Variants in NBAS observed in about 807,000 individuals in gnomAD.
The protein encoded by NBAS is NAG/BC035112 fusion.
NBAS carries 219 observed loss-of-function variants against 302.5 expected under a neutral mutation model. The observed-to-expected ratio is 0.72, with a 90% CI of 0.65 to 0.81. The LOEUF (loss-of-function observed/expected upper bound fraction) is 0.81, where lower values mean the gene tolerates loss of function less well. Ranked by LOEUF, NBAS falls within the 30% of genes least tolerant of loss-of-function variation. The pLI is 0.00. For missense variants in NBAS, 2,932 were observed against 2,841.6 expected (o/e 1.03, Z -0.72); for synonymous variants, 1,118 against 1,021.6 (o/e 1.09, Z -1.80).
intron 10 of NBAS, among the ~76,000 whole-genome samples, 181 bp downstream of exon 10, chr2:15,511,031 C>A (rs1021966076): frequency 6.6e-6 from 1 of 152,138 alleles, no homozygotes; most frequent in Admixed American, 6.5e-5. Flanking sequence ...AAGTTAAATA[C>A]AATATGCCTC....
chr2:15,076,392 G>GT, the NBAS span, among the ~76,000 whole-genome samples: 1 of 152,182 alleles, frequency 6.6e-6, no homozygotes, highest in African/African-American at 2.4e-5. Context: ...ATAACGTGCC[G>GT]TTTTAGTCAT....
downstream of NBAS, among the ~76,000 whole-genome samples, chr2:15,165,151 GCTCA>G (rs1213355302): frequency 1.3e-5 from 2 of 152,244 alleles, no homozygotes; most frequent in African/African-American, 4.8e-5. Context: ...TCAGAATATT[GCTCA>G]CTCAATGTTT....
chr2:15,396,775 G>A (rs576575024), intron 26 of NBAS, among the ~76,000 whole-genome samples: 3 of 152,112 alleles, frequency 2.0e-5, no homozygotes, highest in Non-Finnish European at 2.9e-5. Flanking sequence ...TTTAAGATGA[G>A]GTAAAAGGTA....
At chr2:15,067,145 A>G in the NBAS span, among the ~76,000 whole-genome samples, 1 of 119,572 alleles carries the variant, frequency 8.4e-6, no homozygotes, top group Non-Finnish European at 1.7e-5. Flanking sequence ...CAACATAGTG[A>G]GACCTTATCT....
intron 44 of NBAS, among the ~76,000 whole-genome samples, chr2:15,255,492 T>C (rs1267893360): frequency 6.6e-6 from 1 of 152,200 alleles, no homozygotes; most frequent in Non-Finnish European, 1.5e-5. Context: ...TTTGTGAATA[T>C]TTTCTCCCAC....
the NBAS span, among the ~76,000 whole-genome samples, chr2:15,159,453 C>T: frequency 3.2e-5 from 3 of 93,038 alleles, no homozygotes; most frequent in African/African-American, 6.5e-5. Flanking sequence ...AAGGAGGGAC[C>T]AGCACGTTAC....
At chr2:14,985,561 G>A in the NBAS span, among the ~76,000 whole-genome samples, 105 of 152,288 alleles carry the variant, frequency 6.9e-4, 1 homozygote, top group African/African-American at 2.3e-3. Flanking sequence ...AATATAAATC[G>A]TTTCCTCTGA....
chr2:15,060,951 A>G, the NBAS span, among the ~76,000 whole-genome samples: 1 of 152,244 alleles, frequency 6.6e-6, no homozygotes, highest in Non-Finnish European at 1.5e-5. Context: ...TCAGCCACAT[A>G]ATTTATGACA....
At chr2:15,009,475 A>C in the NBAS span, among the ~76,000 whole-genome samples, 1 of 151,938 alleles carries the variant, frequency 6.6e-6, no homozygotes. Context: ...GCCCAAAATG[A>C]AGCTCTATGT....
the NBAS span, among the ~76,000 whole-genome samples, chr2:14,902,782 GTAAT>G: frequency 6.6e-6 from 1 of 152,172 alleles, no homozygotes; most frequent in African/African-American, 2.4e-5. Context: ...GAATTGGTAG[GTAAT>G]TAATCAAATA....
the NBAS span, among the ~76,000 whole-genome samples, chr2:14,869,701 G>A: frequency 3.3e-5 from 5 of 152,072 alleles, no homozygotes; most frequent in African/African-American, 1.2e-4. Context: ...CGAGATTTCT[G>A]AACTCTTGGT....
chr2:15,184,532 G>A (rs958698677), intron 50 of NBAS, among the ~76,000 whole-genome samples: 1 of 151,912 alleles, frequency 6.6e-6, no homozygotes, highest in Non-Finnish European at 1.5e-5. Context: ...CGCATGTGTA[G>A]TTCACAATAG....
Position 15,561,099 on chromosome 2 carries a change from T to G in NBAS, c.117+89A>C, listed in dbSNP as rs1664896006. 3.7e-6 allele frequency: 3 copies of G among 819,674 alleles called. No homozygotes were observed. The East Asian group carries it at 1.4e-4, about 39-fold the overall frequency. 50.8% of individuals were successfully genotyped at this position (819,674 alleles called of 1,614,324 possible). A position where few individuals can be genotyped will look rare whatever the true frequency, so the allele number is the denominator to read the frequency against. On this transcript the variant is annotated intron_variant, in intron 1 of 51. Transcript: ENST00000281513. ...GGCCCTAGTCCCCCACCCACCCGTC[T>G]CCACTCCCCTACGTGGCTCCTGCTA...
At chr2:14,964,731 C>G in the NBAS span, among the ~76,000 whole-genome samples, 2 of 151,940 alleles carry the variant, frequency 1.3e-5, no homozygotes, top group Non-Finnish European at 2.9e-5. Flanking sequence ...GACAATGGCA[C>G]AATATGCACA....
chr2:15,030,904 C>T, the NBAS span, among the ~76,000 whole-genome samples: 1 of 152,092 alleles, frequency 6.6e-6, no homozygotes, highest in Non-Finnish European at 1.5e-5. Flanking sequence ...TCATTGAGAA[C>T]CACTGCAAGA....
At chr2:15,202,532 A>G (rs370712008) in intron 48 of NBAS, among the ~76,000 whole-genome samples, 19,919 of 151,198 alleles carry the variant, frequency 0.13, 1,377 homozygotes, top group African/African-American at 0.17. Context: ...TTATTTATTT[A>G]TTTATTTATT....
the NBAS span, among the ~76,000 whole-genome samples, chr2:15,138,778 G>C: frequency 1.3e-5 from 2 of 152,268 alleles, no homozygotes; most frequent in Admixed American, 1.3e-4. Context: ...GTTTTGTGCA[G>C]TGGCTGAACT....
chr2:15,207,762 G>A (rs1666215009), intron 48 of NBAS, among the ~76,000 whole-genome samples: 1 of 152,158 alleles, frequency 6.6e-6, no homozygotes, highest in African/African-American at 2.4e-5. Flanking sequence ...TTCATTTGCT[G>A]TCATGGTTGT....
At chr2:14,900,879 A>G in the NBAS span, among the ~76,000 whole-genome samples, 161 of 152,360 alleles carry the variant, frequency 1.1e-3, no homozygotes, top group African/African-American at 3.6e-3. Context: ...GATTAAGGAA[A>G]TAAAAGGAAA....
Sources: gnomAD v4.1 joint callset for allele counts (sites outside exome capture counted in the v4.1 genomes callset) on GRCh38, gnomAD v4.1.1 for gene constraint, MANE v1.5 for transcripts, NCBI Gene and HGNC (gene_info 2026-07-23, HGNC 2026-07-21) for gene names.